The following VAV1 variants were observed in gnomAD, a reference collection of about 807,000 sequenced individuals.
VAV1 encodes proto-oncogene vav.
VAV1 carries 33 observed loss-of-function variants against 128.1 expected under a neutral mutation model. The observed-to-expected ratio is 0.26, with a 90% CI of 0.20 to 0.34. The LOEUF is 0.34. VAV1 is among the 10% of genes least tolerant of loss of function. VAV1 has a pLI of 1.00. For synonymous variants in VAV1, 394 were observed against 409.8 expected, an observed-to-expected ratio of 0.96 and a Z score of 0.47; for missense variants, 715 against 1,093.7, an observed-to-expected ratio of 0.65 and a Z score of 4.88.
At chr19:6,855,324 G>T (rs1417149651) in intron 26 of VAV1, among the ~76,000 whole-genome samples, 3 of 152,184 alleles carry the variant, frequency 2.0e-5, no homozygotes, top group African/African-American at 7.2e-5. Flanking sequence ...AGGACAATTA[G>T]GCTTTGAGAG....
intron 21 of VAV1, among the ~76,000 whole-genome samples, chr19:6,840,445 A>G (rs540009982): frequency 6.6e-6 from 1 of 151,922 alleles, no homozygotes; most frequent in South Asian, 2.1e-4. Flanking sequence ...AGCTGGGACT[A>G]CAGGCACTTG....
At chr19:6,855,989 A>G (rs1972790019) in intron 26 of VAV1, among the ~76,000 whole-genome samples, 3 of 152,206 alleles carry the variant, frequency 2.0e-5, no homozygotes, top group Admixed American at 1.3e-4. Context: ...TCAGTGACAA[A>G]TAATACAGAC....
chr19:6,848,142 C>A, intron 23 of VAV1, 28 bp downstream of exon 23: 1 of 1,525,066 alleles, frequency 6.6e-7, no homozygotes, highest in South Asian at 1.3e-5. Flanking sequence ...GACTCATACC[C>A]TTTTGGGGCC....
In VAV1 at chr19:6,829,827, G is replaced by A; in HGVS notation, c.1307G>A (p.Arg436His). 1.2e-6 allele frequency: 2 copies of A among 1,614,178 alleles called. No individual in the cohort carries two copies. Among genetic ancestry groups the A allele is most frequent in the Admixed American group, 1.7e-5 (1 of 60,020 alleles). The change falls in exon 14 of 27, where the codon CGC (arginine) becomes CAC (histidine). Residue 436 changes from arginine (R) to histidine (H), a missense_variant. Coordinates refer to ENST00000602142, the MANE Select transcript of VAV1 (RefSeq NM_005428.4). ...GACAAAGCTCTACTCATCTGTAAGC[G>A]CAGGGGAGACTCCTATGACCTCAAG... ...LLDKALLICK[R>H]RGDSYDLKDF...
In VAV1 at chr19:6,853,234, A is replaced by T. The variant is rs181858478; in HGVS notation, c.2332+155A>T. On this transcript the variant is annotated intron_variant, in intron 25 of 26. Coordinates refer to ENST00000602142, the MANE Select transcript of VAV1 (RefSeq NM_005428.4). ...TTTCCACTCCTGTCTATCCCTTCCT[A>T]TATATATTTTAATATAATATAATTT... Among the ~76,000 whole-genome samples the T allele has an allele frequency of 4.8e-3, 706 of 148,250 alleles. 4 individuals carry two copies. The highest frequency in any genetic ancestry group is 0.017 in the African/African-American group (678 of 39,780).
In VAV1 at chr19:6,826,268, A is replaced by G. The variant is rs1354500768; in HGVS notation, c.828-344A>G. Among the ~76,000 whole-genome samples the G allele has an allele frequency of 6.6e-6, 1 of 151,824 alleles. No individual in the cohort carries two copies. The highest frequency in any genetic ancestry group is 2.4e-5 in the African/African-American group (1 of 41,300). On this transcript the variant is annotated intron_variant, in intron 8 of 26. Transcript: ENST00000602142. The surrounding 1 kb of genome is among the most constrained non-coding windows in gnomAD (Gnocchi z 4.1). ...CAGGAGAATCGCTTGAACCCGGGAG[A>G]TGGAGGTTGCACTGAGCCCAGATCA...
chr19:6,818,537 TC>T (rs1349856740), intron 1 of VAV1, among the ~76,000 whole-genome samples: 1 of 152,118 alleles, frequency 6.6e-6, no homozygotes, highest in Non-Finnish European at 1.5e-5. Flanking sequence ...GAATACACTT[TC>T]TTGTGTGCTA....
At chr19:6,779,028 C>CACCAA (rs1324070568) in intron 1 of VAV1, among the ~76,000 whole-genome samples, 26 of 145,830 alleles carry the variant, frequency 1.8e-4, no homozygotes, top group South Asian at 4.3e-4. Context: ...AGGTGTGCAC[C>CACCAA]GGCATACCTG....
At chr19:6,789,803 T>C (rs1396800368) in intron 1 of VAV1, among the ~76,000 whole-genome samples, 1 of 152,054 alleles carries the variant, frequency 6.6e-6, no homozygotes, top group East Asian at 1.9e-4. Flanking sequence ...TTTGCCATCT[T>C]GGCCAGGCTG....
intron 22 of VAV1, among the ~76,000 whole-genome samples, chr19:6,845,254 G>A (rs1295442985): frequency 2.6e-5 from 4 of 151,976 alleles, no homozygotes; most frequent in Non-Finnish European, 5.9e-5. Flanking sequence ...GCATGGTGGC[G>A]CACGCCTGTA....
intron 1 of VAV1, among the ~76,000 whole-genome samples, chr19:6,814,671 C>CTTT (rs540074087): frequency 0.035 from 905 of 25,712 alleles, 59 homozygotes; most frequent in East Asian, 0.056. Flanking sequence ...TTCCTTCCTT[C>CTTT]CTTTCTTTCT....
intron 19 of VAV1, among the ~76,000 whole-genome samples, chr19:6,834,560 A>T (rs1972171485): frequency 6.8e-6 from 1 of 147,898 alleles, no homozygotes; most frequent in South Asian, 2.1e-4. Flanking sequence ...TAAAAAATTT[A>T]AAAATATATG....
chr19:6,841,810 A>G (rs1972384886), intron 21 of VAV1, among the ~76,000 whole-genome samples: 1 of 151,742 alleles, frequency 6.6e-6, no homozygotes, highest in African/African-American at 2.4e-5. Context: ...TTCCATTCCC[A>G]CCAACAGTGC....
Position 6,850,671 on chromosome 19 carries a change from T to C in VAV1, c.2131T>C (p.Tyr711His). The C allele has an allele frequency of 1.2e-6, 2 of 1,614,056 alleles. No homozygotes were observed. Among genetic ancestry groups the C allele is most frequent in the Non-Finnish European group, 8.5e-7 (1 of 1,179,996 alleles). ...GGCCCGGTGACCATCTGGTTCCAGA[T>C]ATAACGTCGAGGTCAAGCACATTAA... The part of the protein sequence containing the change: ...DAAEFAISIK[Y>H]NVEVKHIKIM... Residue 711 changes from tyrosine to histidine, a missense_variant and splice_region_variant, in exon 24 of 27, where the codon TAT (tyrosine) becomes CAT (histidine). By Grantham distance (83) the Tyr-to-His change is moderately conservative. Coordinates refer to ENST00000602142, the MANE Select transcript of VAV1 (RefSeq NM_005428.4).
intron 21 of VAV1, among the ~76,000 whole-genome samples, chr19:6,839,093 G>A (rs112529179): frequency 3.9e-5 from 6 of 152,050 alleles, no homozygotes; most frequent in African/African-American, 1.2e-4. Flanking sequence ...AGTAGAGATG[G>A]AGTTTCATCA....
chr19:6,847,031 A>T (rs1416776955), intron 22 of VAV1, among the ~76,000 whole-genome samples: 1 of 150,792 alleles, frequency 6.6e-6, no homozygotes, highest in African/African-American at 2.4e-5. Flanking sequence ...CTCTTGCCTC[A>T]GCCTCCTGAA....
chr19:6,801,717 G>T (rs988087896), intron 1 of VAV1, among the ~76,000 whole-genome samples: 6 of 152,132 alleles, frequency 3.9e-5, no homozygotes, highest in Non-Finnish European at 7.3e-5. Context: ...GTGGGGAGTT[G>T]ATTGCTGCCG....
intron 26 of VAV1, among the ~76,000 whole-genome samples, chr19:6,856,287 A>T (rs1287556269): frequency 6.6e-6 from 1 of 151,412 alleles, no homozygotes; most frequent in Admixed American, 6.6e-5. Context: ...ACAGAGTAAG[A>T]CTGTGTCTCA....
intron 1 of VAV1, among the ~76,000 whole-genome samples, chr19:6,785,027 C>G (rs1301265830): frequency 6.6e-6 from 1 of 152,216 alleles, no homozygotes; most frequent in African/African-American, 2.4e-5. Context: ...CTACCCATTG[C>G]TCTCTGCACC....
Sources: gnomAD v4.1 joint callset for allele counts (sites outside exome capture counted in the v4.1 genomes callset) on GRCh38, gnomAD v4.1.1 for gene constraint, Gnocchi (gnomAD v3.1) non-coding constraint, MANE v1.5 for transcripts, NCBI Gene and HGNC (gene_info 2026-07-23, HGNC 2026-07-21) for gene names.